The following KIF1A variants were observed in gnomAD, a reference collection of about 807,000 sequenced individuals.
KIF1A encodes kinesin family member 1A.
KIF1A carries 46 observed loss-of-function variants against 227.3 expected under a neutral mutation model. The ratio of observed to expected loss-of-function variants is 0.20; its 90% CI spans 0.16 to 0.26. The LOEUF is 0.26. Among genes scored for constraint, KIF1A ranks in the 10% least tolerant of loss-of-function variants. The probability of loss-of-function intolerance (pLI) is 1.00; values close to 1 mark genes in which losing one functional copy is unlikely to be tolerated. For synonymous variants in KIF1A, 1,022 were observed against 1,012.8 expected, an observed-to-expected ratio of 1.01 and a Z score of -0.17; for missense variants, 1,683 against 2,485.9, an observed-to-expected ratio of 0.68 and a Z score of 6.87.
At chr2:240,765,507 G>A (rs1364503874) in intron 20 of KIF1A, among the ~76,000 whole-genome samples, 1 of 152,260 alleles carries the variant, frequency 6.6e-6, no homozygotes, top group East Asian at 1.9e-4. Flanking sequence ...AATGGGGCCT[G>A]TAGTGCTGTG....
chr2:240,758,555 G>A lies in KIF1A; in HGVS notation c.2445-58C>T, dbSNP rs2050138617. The A allele has an allele frequency of 8.2e-6, 12 of 1,465,222 alleles. No homozygotes were observed. The highest frequency in any genetic ancestry group is 1.4e-5 in the South Asian group (1 of 69,722). The allele number at this position is 1,465,222 out of a possible 1,614,324, so 90.8% of individuals were successfully genotyped here. ...GGCCCAGCGCTCAGCAGCTGGCACC[G>A]CACACCCTTATCTCCTGGGGACAGT... On this transcript the variant is annotated intron_variant, in intron 25 of 48. Coordinates refer to ENST00000498729, the MANE Select transcript of KIF1A (RefSeq NM_001244008.2). The surrounding 1 kb of genome is among the most constrained non-coding windows in gnomAD (Gnocchi z 5.2).
At chr2:240,791,208 C>T (rs879361359) in intron 2 of KIF1A, among the ~76,000 whole-genome samples, 33 of 152,132 alleles carry the variant, frequency 2.2e-4, no homozygotes, top group Non-Finnish European at 3.8e-4. Context: ...CCGACTTCAG[C>T]GCCTGCCGGG....
chr2:240,735,138 C>T (rs2047178129), intron 38 of KIF1A, among the ~76,000 whole-genome samples: 1 of 152,134 alleles, frequency 6.6e-6, no homozygotes, highest in South Asian at 2.1e-4. Context: ...CAGGGCAGGG[C>T]TAGGGGTGGG....
In KIF1A at chr2:240,725,666, G is replaced by T. The variant is rs1236373285; in HGVS notation, c.4123-262C>A. ...GTCTCCATGTGTGGGGACCCCGAGG[G>T]TCCCAGACATAGGCTCACTGCTCGG... On this transcript the variant is annotated intron_variant, in intron 39 of 48. Transcript: ENST00000498729. This position sits in a 1 kb window ranked among gnomAD's most constrained non-coding sequence, Gnocchi z 5.8. The T allele has an allele frequency of 4.4e-6, 2 of 458,950 alleles. No individual in the cohort carries two copies. The highest frequency in any genetic ancestry group is 7.7e-6 in the Non-Finnish European group (2 of 258,346). The allele number at this position is 458,950 out of a possible 1,614,324, so 28.4% of individuals were successfully genotyped here. A position where few individuals can be genotyped will look rare whatever the true frequency, so the allele number is the denominator to read the frequency against.
intron 2 of KIF1A, among the ~76,000 whole-genome samples, chr2:240,791,198 C>T (rs2055621702): frequency 6.6e-6 from 1 of 152,112 alleles, no homozygotes; most frequent in Non-Finnish European, 1.5e-5. Flanking sequence ...CCAAGCTGTC[C>T]CGACTTCAGC....
At chr2:240,722,715 G>A in intron 42 of KIF1A, 59 bp from the exon 43 acceptor site, 1 of 1,359,768 alleles carries the variant, frequency 7.4e-7, no homozygotes, top group Non-Finnish European at 9.9e-7. Flanking sequence ...CCGGAGTTGT[G>A]CTCAGCCTCA....
rs1433446682 is a variant in KIF1A, at chr2:240,793,592, G to A, written c.106+4055C>T. On this transcript the variant is annotated intron_variant, in intron 2 of 48. Transcript: ENST00000498729. The surrounding 1 kb of genome is among the most constrained non-coding windows in gnomAD (Gnocchi z 4.8). ...ACGGAAGCACTCACACTCAACTTCT[G>A]CCCCCAGGCCAACCTACACTAGCTC... 6.6e-6 allele frequency among the ~76,000 whole-genome samples: 1 copy of A among 152,188 alleles called. No homozygotes were observed. The highest frequency in any genetic ancestry group is 6.5e-5 in the Admixed American group (1 of 15,282).
Position 240,720,952 on chromosome 2 carries a change from G to A in KIF1A, c.4830C>T (p.Pro1610=), listed in dbSNP as rs1224702371. 1 of 1,597,546 alleles carries A rather than the reference G, an allele frequency of 6.3e-7. No homozygotes were observed. The highest frequency in any genetic ancestry group is 8.5e-7 in the Non-Finnish European group (1 of 1,172,558). Residue 1610 remains proline, a synonymous_variant, in exon 45 of 49, where the codon CCC becomes CCT. Coordinates refer to ENST00000498729, the MANE Select transcript of KIF1A (RefSeq NM_001244008.2). ...VATLTPSSTC[P]SLVEGRYGAT... is the part of the protein sequence containing the mutation. ...CACCGTACCGCCCTTCAACCAGAGA[G>A]GGGCAAGTGGAGGAGGGGGTGAGAG...
chr2:240,744,033 T>C lies in KIF1A; in HGVS notation c.3493A>G (p.Ile1165Val). The change falls in exon 33 of 49, where the codon ATT becomes GTT. Residue 1165 changes from isoleucine (I) to valine (V), a missense_variant. Transcript: ENST00000498729. The part of the protein sequence containing the change: ...NIAVEVTKSF[I>V]EYIKSQPIVF... ...ATGGGCTGGCTCTTGATGTACTCAA[T>C]GAAGGACTTGGTCACCTCCACTGCG... 1.2e-6 allele frequency: 2 copies of C among 1,613,630 alleles called. No individual in the cohort carries two copies. The highest frequency in any genetic ancestry group is 1.1e-5 in the South Asian group (1 of 91,080).
intron 15 of KIF1A, 109 bp downstream of exon 15, chr2:240,770,862 T>C (rs1282309346): frequency 7.6e-7 from 1 of 1,323,708 alleles, no homozygotes; most frequent in East Asian, 2.3e-5. Flanking sequence ...TGCTCCACAA[T>C]GGCCCTATGA....
chr2:240,730,657 T>G (rs2046497896), intron 38 of KIF1A, among the ~76,000 whole-genome samples: 1 of 152,194 alleles, frequency 6.6e-6, no homozygotes, highest in South Asian at 2.1e-4. Flanking sequence ...GCAGGAGACT[T>G]GATCCGATGT....
At chr2:240,779,338 ATAGT>A (rs2053251613) in intron 10 of KIF1A, among the ~76,000 whole-genome samples, 1 of 138,486 alleles carries the variant, frequency 7.2e-6, no homozygotes, top group African/African-American at 3.1e-5. Context: ...TCAGTTCCTC[ATAGT>A]TCCACACTCA....
chr2:240,718,417 C>T (rs374209591), intron 47 of KIF1A, among the ~76,000 whole-genome samples: 4 of 152,242 alleles, frequency 2.6e-5, no homozygotes, highest in African/African-American at 9.6e-5. Flanking sequence ...GTGACTGCCC[C>T]TCATGGCCCC....
At chr2:240,815,867 G>A (rs188508580) in intron 1 of KIF1A, among the ~76,000 whole-genome samples, 119 of 152,324 alleles carry the variant, frequency 7.8e-4, no homozygotes, top group African/African-American at 2.4e-3. Context: ...AGTGGGGTCC[G>A]AGCCAAGCGG....
chr2:240,758,185 T>C lies in KIF1A; in HGVS notation c.2582+175A>G, dbSNP rs1217294880. ...CTGAAATAACAGGCCCTGTGGTGTG[T>C]GGAGAGGAATGGCTGGGAGGAACCT... On this transcript the variant is annotated intron_variant, in intron 26 of 48. Coordinates refer to ENST00000498729, the MANE Select transcript of KIF1A (RefSeq NM_001244008.2). The surrounding 1 kb of genome is among the most constrained non-coding windows in gnomAD (Gnocchi z 5.2). Among the ~76,000 whole-genome samples, 1 of 152,018 alleles carries C rather than the reference T, an allele frequency of 6.6e-6. No individual in the cohort carries two copies. The highest frequency in any genetic ancestry group is 1.5e-5 in the Non-Finnish European group (1 of 67,958).
rs1288347488 is a variant in KIF1A at position 240,737,151 on chromosome 2, G to A, written c.3919C>T (p.Pro1307Ser). 1.2e-6 allele frequency: 2 copies of A among 1,613,642 alleles called. No individual in the cohort carries two copies. The highest frequency in any genetic ancestry group is 3.3e-5 in the Admixed American group (2 of 60,014). The part of the protein sequence containing the change: ...ELVVGRIRNT[P>S]ETDESLIDPN... ...TCGATCAGGGACTCGTCGGTCTCTGGAGTGTTTCGGATGCGGCCTGCAGAA... is the reference window on the plus strand; with the variant it reads ...TCGATCAGGGACTCGTCGGTCTCTGAAGTGTTTCGGATGCGGCCTGCAGAA... Residue 1307 changes from proline to serine, a missense_variant, in exon 38 of 49, where the codon CCA becomes TCA. Pro to Ser is a moderately conservative substitution (Grantham distance 74). This residue lies in a region of KIF1A where 759 missense variants were observed against 1,020.2 expected (regional missense o/e 0.74). Transcript: ENST00000498729.
In KIF1A at chr2:240,740,985, C is replaced by G. The variant is rs540452536; in HGVS notation, c.3749+284G>C. ...CTGCCTCCCTGCCCTGCCCCTGAGC[C>G]ATACCCTGGTTTGCTGTCCTAGTGC... On this transcript the variant is annotated intron_variant, in intron 35 of 48. Transcript: ENST00000498729. The surrounding 1 kb of genome is among the most constrained non-coding windows in gnomAD (Gnocchi z 6.1). Among the ~76,000 whole-genome samples, 12 of 152,240 alleles carry G rather than the reference C, an allele frequency of 7.9e-5. No individual in the cohort carries two copies. The South Asian group carries it at 2.5e-3, about 32-fold the overall frequency.
intron 1 of KIF1A, among the ~76,000 whole-genome samples, chr2:240,813,904 G>C (rs143970328): frequency 1.3e-5 from 2 of 152,166 alleles, no homozygotes; most frequent in Non-Finnish European, 2.9e-5. Flanking sequence ...CTCTGTCCAC[G>C]CACCCGGGAG....
chr2:240,791,838 C>T lies in KIF1A; in HGVS notation c.107-2526G>A, dbSNP rs185320928. On this transcript the variant is annotated intron_variant, in intron 2 of 48. Transcript: ENST00000498729. ...TGGCCCTTGGGAGAATCCCTCAGGC[C>T]TGCTTGTCCTGGGCCCCCACCCCTC... 4.1e-3 allele frequency among the ~76,000 whole-genome samples: 624 copies of T among 152,198 alleles called. 1 individual carries two copies. The highest frequency in any genetic ancestry group is 0.014 in the African/African-American group (588 of 41,512).
Sources: allele counts gnomAD v4.1 joint callset (sites outside exome capture counted in the v4.1 genomes callset), GRCh38; gene constraint gnomAD v4.1.1; regional missense constraint gnomAD v4.1.1; non-coding constraint Gnocchi (gnomAD v3.1); transcripts MANE v1.5; gene names NCBI Gene and HGNC (gene_info 2026-07-23, HGNC 2026-07-21).